The following PPARG variants were observed in gnomAD, a reference collection of about 807,000 sequenced individuals.
The protein encoded by PPARG is peroxisome proliferator activated receptor gamma.
A neutral mutation model predicts 39.2 loss-of-function variants in PPARG; 17 were observed. That is an observed-to-expected ratio of 0.43 (90% CI 0.30 to 0.65). PPARG has a LOEUF of 0.65. Ranked by LOEUF, PPARG falls within the 30% of genes least tolerant of loss-of-function variation. The pLI is 0.13. For synonymous variants in PPARG, 223 were observed against 215.7 expected, an observed-to-expected ratio of 1.03 and a Z score of -0.30; for missense variants, 406 against 585.9, an observed-to-expected ratio of 0.69 and a Z score of 3.17.
At chr3:12,322,783 GT>G (rs1451030037) in intron 2 of PPARG, among the ~76,000 whole-genome samples, 1 of 152,050 alleles carries the variant, frequency 6.6e-6, no homozygotes, top group Admixed American at 6.6e-5. Flanking sequence ...GTGAAACAGA[GT>G]TGGGTTTTTT....
chr3:12,291,247 T>C lies in PPARG; in HGVS notation c.-83+2113T>C, dbSNP rs2046640904. Among the ~76,000 whole-genome samples the C allele has an allele frequency of 2.0e-5, 3 of 152,164 alleles. No individual in the cohort carries two copies. In the South Asian group the frequency reaches 6.2e-4, roughly 32 times the overall value. Reference sequence around the variant, plus strand: ...TTTTCCTGGTAGATCTCCACTTTGCTTACTCTCTCTTAATATCCCAAAGCA... The same window carrying C: ...TTTTCCTGGTAGATCTCCACTTTGCCTACTCTCTCTTAATATCCCAAAGCA... On this transcript the variant is annotated intron_variant, in intron 1 of 7. Coordinates refer to ENST00000651735, the MANE Select transcript of PPARG (RefSeq NM_138711.6).
chr3:12,302,052 C>T (rs776454759), intron 1 of PPARG, among the ~76,000 whole-genome samples: 10 of 152,126 alleles, frequency 6.6e-5, no homozygotes, highest in Non-Finnish European at 8.8e-5. Flanking sequence ...TAACAATTCA[C>T]AGCAGTATGT....
chr3:12,428,615 A>G (rs564775402), intron 7 of PPARG, among the ~76,000 whole-genome samples: 1 of 152,222 alleles, frequency 6.6e-6, no homozygotes, highest in Non-Finnish European at 1.5e-5. Flanking sequence ...TCTGTGGCAC[A>G]ACTGTGGCAC....
chr3:12,381,628 A>C (rs1005736782), intron 4 of PPARG, 137 bp downstream of exon 4: 2 of 871,716 alleles, frequency 2.3e-6, no homozygotes, highest in Non-Finnish European at 3.6e-6. Context: ...CCCAGACCAG[A>C]GTGCAGTGGT....
chr3:12,369,198 A>G (rs2049123751), intron 2 of PPARG, among the ~76,000 whole-genome samples: 3 of 152,146 alleles, frequency 2.0e-5, no homozygotes, highest in South Asian at 4.1e-4. Context: ...AGAATAACAT[A>G]CTTACATTAA....
intron 6 of PPARG, among the ~76,000 whole-genome samples, chr3:12,411,360 A>G (rs2050873601): frequency 6.6e-6 from 1 of 152,078 alleles, no homozygotes; most frequent in South Asian, 2.1e-4. Flanking sequence ...GTTTGTCGTA[A>G]ATCTCTAAAC....
At chr3:12,406,204 G>A in intron 6 of PPARG, 123 bp downstream of exon 6, 2 of 1,008,720 alleles carry the variant, frequency 2.0e-6, no homozygotes, top group Admixed American at 2.0e-5. Flanking sequence ...ACTGTTGGCT[G>A]TTAACATATT....
intron 2 of PPARG, among the ~76,000 whole-genome samples, chr3:12,352,193 T>C (rs1354609918): frequency 6.6e-6 from 1 of 152,246 alleles, no homozygotes; most frequent in East Asian, 1.9e-4. Context: ...ATTCCCAGAG[T>C]GTAGGACCAA....
At chr3:12,332,307 T>C (rs1180000660) in intron 2 of PPARG, among the ~76,000 whole-genome samples, 1 of 152,234 alleles carries the variant, frequency 6.6e-6, no homozygotes, top group East Asian at 1.9e-4. Flanking sequence ...TAGATAGCCC[T>C]GAATTGATGA....
intron 2 of PPARG, among the ~76,000 whole-genome samples, chr3:12,378,991 GT>G (rs1180201169): frequency 6.6e-6 from 1 of 151,714 alleles, no homozygotes; most frequent in African/African-American, 2.4e-5. Context: ...GGTTTTTTGG[GT>G]TTTTTTGTTT....
intron 2 of PPARG, among the ~76,000 whole-genome samples, chr3:12,337,183 C>G (rs1402043312): frequency 6.6e-6 from 1 of 152,170 alleles, no homozygotes. Flanking sequence ...AGAAATATCT[C>G]ATTGTGTTAC....
intron 2 of PPARG, among the ~76,000 whole-genome samples, chr3:12,347,531 A>G (rs976216449): frequency 3.9e-5 from 6 of 151,990 alleles, no homozygotes; most frequent in African/African-American, 1.2e-4. Context: ...CTATGAAGAA[A>G]CCCTGAACTG....
intron 2 of PPARG, among the ~76,000 whole-genome samples, chr3:12,313,447 G>A (rs776556651): frequency 6.6e-6 from 1 of 152,010 alleles, no homozygotes; most frequent in Non-Finnish European, 1.5e-5. Flanking sequence ...GGGCATATAG[G>A]TGATGCTCAA....
chr3:12,363,606 T>C (rs538630761), intron 2 of PPARG, among the ~76,000 whole-genome samples: 17 of 152,298 alleles, frequency 1.1e-4, no homozygotes, highest in Admixed American at 3.3e-4. Flanking sequence ...CCTGACCCCA[T>C]CTGTCTTTTC....
intron 5 of PPARG, among the ~76,000 whole-genome samples, chr3:12,404,182 T>G (rs1459179504): frequency 6.6e-6 from 1 of 152,174 alleles, no homozygotes; most frequent in Non-Finnish European, 1.5e-5. Flanking sequence ...GAAGAGGCCA[T>G]GTACCAAGGA....
At chr3:12,417,320 T>G in intron 7 of PPARG, among the ~76,000 whole-genome samples, 166 bp downstream of exon 7, 1 of 152,060 alleles carries the variant, frequency 6.6e-6, no homozygotes, top group East Asian at 1.9e-4. Context: ...CAAGAAAGAG[T>G]GTCATAGGTT....
At chr3:12,398,959 A>G (rs984418020) in intron 5 of PPARG, among the ~76,000 whole-genome samples, 1 of 152,310 alleles carries the variant, frequency 6.6e-6, no homozygotes, top group Admixed American at 6.5e-5. Flanking sequence ...AGATAGCTTA[A>G]AGAGGAGGTA....
At chr3:12,420,733 C>G (rs747753133) in intron 7 of PPARG, among the ~76,000 whole-genome samples, 7 of 152,200 alleles carry the variant, frequency 4.6e-5, no homozygotes, top group Non-Finnish European at 2.9e-5. Context: ...GCTGGGGAAA[C>G]TGGAGTTGCT....
intron 2 of PPARG, among the ~76,000 whole-genome samples, chr3:12,318,097 C>T (rs949206196): frequency 3.3e-5 from 5 of 152,108 alleles, no homozygotes; most frequent in East Asian, 1.9e-4. Context: ...CCTCAGCCAC[C>T]GGAGTAGCTG....
Sources: allele counts gnomAD v4.1 joint callset (sites outside exome capture counted in the v4.1 genomes callset), GRCh38; gene constraint gnomAD v4.1.1; transcripts MANE v1.5; gene names NCBI Gene and HGNC (gene_info 2026-07-23, HGNC 2026-07-21).